The following GRIA1 variants were observed in gnomAD, a reference collection of about 807,000 sequenced individuals.
The protein encoded by GRIA1 is glutamate receptor 1.
GRIA1 carries 31 observed loss-of-function variants against 99.2 expected under a neutral mutation model. The observed-to-expected ratio is 0.31, with a 90% confidence interval of 0.23 to 0.42. The LOEUF is 0.42. Ranked by LOEUF, GRIA1 falls within the 10% of genes least tolerant of loss-of-function variation. The probability of loss-of-function intolerance (pLI) is 1.00; values close to 1 mark genes in which losing one functional copy is unlikely to be tolerated. For missense variants in GRIA1, 782 were observed against 1,157.5 expected, an observed-to-expected ratio of 0.68 and a Z score of 4.71; for synonymous variants, 438 against 432.4, an observed-to-expected ratio of 1.01 and a Z score of -0.16.
At chr5:153,769,357 G>A (rs1260800053) in intron 12 of GRIA1, among the ~76,000 whole-genome samples, 1 of 152,094 alleles carries the variant, frequency 6.6e-6, no homozygotes, top group African/African-American at 2.4e-5. Context: ...ACATGATAAT[G>A]GTGCCTACTA....
chr5:153,575,814 T>A (rs1762483928), intron 2 of GRIA1, among the ~76,000 whole-genome samples: 1 of 152,140 alleles, frequency 6.6e-6, no homozygotes, highest in South Asian at 2.1e-4. Flanking sequence ...AGGTTAGAAT[T>A]CTCCTTGGAT....
At chr5:153,576,681 T>C (rs1762554651) in intron 2 of GRIA1, among the ~76,000 whole-genome samples, 2 of 152,224 alleles carry the variant, frequency 1.3e-5, no homozygotes, top group Admixed American at 1.3e-4. Context: ...CCCAAATGAG[T>C]AGGCTTAGGC....
intron 2 of GRIA1, among the ~76,000 whole-genome samples, chr5:153,642,742 G>A (rs1753864775): frequency 6.6e-6 from 1 of 152,094 alleles, no homozygotes; most frequent in East Asian, 1.9e-4. Context: ...CATGATGGAA[G>A]TCTGTGCATT....
chr5:153,613,996 G>A (rs560196389), intron 2 of GRIA1, among the ~76,000 whole-genome samples: 36 of 152,208 alleles, frequency 2.4e-4, no homozygotes, highest in African/African-American at 7.0e-4. Context: ...AGCCACACAG[G>A]CCTTTAGTCC....
chr5:153,769,414 A>G (rs1364866694), intron 12 of GRIA1, among the ~76,000 whole-genome samples: 1 of 152,096 alleles, frequency 6.6e-6, no homozygotes, highest in Non-Finnish European at 1.5e-5. Context: ...CTCCAAATAC[A>G]TAGGATTTAT....
intron 2 of GRIA1, among the ~76,000 whole-genome samples, chr5:153,553,966 T>C (rs1037372193): frequency 6.6e-6 from 1 of 152,138 alleles, no homozygotes; most frequent in Non-Finnish European, 1.5e-5. Flanking sequence ...GGGGTGCAGA[T>C]TAGAAAACAG....
chr5:153,536,058 T>A (rs969027383), intron 2 of GRIA1, among the ~76,000 whole-genome samples: 2 of 152,162 alleles, frequency 1.3e-5, no homozygotes, highest in East Asian at 1.9e-4. Flanking sequence ...CCTGGGGAAA[T>A]CCAGCCTCCG....
At chr5:153,680,420 G>A (rs747413924) in intron 7 of GRIA1, among the ~76,000 whole-genome samples, 1 of 151,976 alleles carries the variant, frequency 6.6e-6, no homozygotes, top group African/African-American at 2.4e-5. Flanking sequence ...TCCCCAAGTC[G>A]GGTTCTTAAC....
intron 6 of GRIA1, 23 bp from the exon 7 acceptor site, chr5:153,676,967 CCTAA>C (rs769255856): frequency 8.3e-5 from 114 of 1,365,370 alleles, no homozygotes; most frequent in African/African-American, 7.0e-4. Flanking sequence ...CTCTTTGATA[CCTAA>C]CTGTCTCCAT....
intron 10 of GRIA1, 127 bp from the exon 11 acceptor site, chr5:153,705,570 T>C: frequency 8.0e-7 from 1 of 1,254,760 alleles, no homozygotes; most frequent in Non-Finnish European, 1.1e-6. Context: ...CTTCAAAGGT[T>C]CTTTCCCACT....
chr5:153,519,730 A>T (rs879925563), intron 2 of GRIA1, among the ~76,000 whole-genome samples: 8 of 152,182 alleles, frequency 5.3e-5, no homozygotes, highest in Admixed American at 5.2e-4. Context: ...AGGAAACATC[A>T]TCAAGTCTCT....
chr5:153,576,490 C>T (rs12515622), intron 2 of GRIA1, among the ~76,000 whole-genome samples: 21,557 of 152,188 alleles, frequency 0.14, 1,740 homozygotes, highest in South Asian at 0.3. Context: ...ATCTTTGATA[C>T]CTTCATTCAA....
chr5:153,685,290 G>C (rs1283297611), intron 7 of GRIA1, among the ~76,000 whole-genome samples: 1 of 152,112 alleles, frequency 6.6e-6, no homozygotes, highest in Non-Finnish European at 1.5e-5. Context: ...GAGTGGTCTT[G>C]GATGACATTT....
intron 11 of GRIA1, among the ~76,000 whole-genome samples, chr5:153,708,183 C>T (rs139404579): frequency 8.1e-4 from 123 of 152,284 alleles, no homozygotes; most frequent in African/African-American, 2.8e-3. Flanking sequence ...TTCTGTCAGA[C>T]AGGTTTTTGT....
intron 5 of GRIA1, among the ~76,000 whole-genome samples, chr5:153,662,888 CA>C (rs1755473068): frequency 6.6e-6 from 1 of 152,188 alleles, no homozygotes; most frequent in African/African-American, 2.4e-5. Context: ...GTGCCCCTCT[CA>C]AGGACTCTCT....
At chr5:153,784,422 G>T (rs1304718508) in intron 13 of GRIA1, among the ~76,000 whole-genome samples, 2 of 151,918 alleles carry the variant, frequency 1.3e-5, no homozygotes, top group East Asian at 1.9e-4. Flanking sequence ...AAATTAATTT[G>T]TGTCATTTGT....
chr5:153,500,982 G>C (rs1008847548), intron 2 of GRIA1, among the ~76,000 whole-genome samples: 6 of 152,102 alleles, frequency 3.9e-5, no homozygotes, highest in Non-Finnish European at 8.8e-5. Context: ...TTCTGGGGCT[G>C]TATTTCTATG....
chr5:153,769,287 A>T (rs1012636744), intron 12 of GRIA1, among the ~76,000 whole-genome samples: 2 of 152,296 alleles, frequency 1.3e-5, no homozygotes, highest in East Asian at 3.9e-4. Flanking sequence ...CCACCTCAGA[A>T]TTGCTGAATC....
intron 11 of GRIA1, among the ~76,000 whole-genome samples, chr5:153,745,773 A>G (rs1762117009): frequency 6.6e-6 from 1 of 152,178 alleles, no homozygotes; most frequent in Admixed American, 6.5e-5. Context: ...TGGTTTACAT[A>G]CTTCCAGACA....
Sources: allele counts gnomAD v4.1 joint callset (sites outside exome capture counted in the v4.1 genomes callset), GRCh38; gene constraint gnomAD v4.1.1; transcripts MANE v1.5; gene names NCBI Gene and HGNC (gene_info 2026-07-23, HGNC 2026-07-21).